Variants in GSN observed in about 807,000 individuals in gnomAD.
GSN encodes actin-depolymerizing factor.
In GSN, 56 loss-of-function variants were observed where a neutral mutation model predicts 85.7. That is an observed-to-expected ratio of 0.65 (90% CI 0.53 to 0.82). The LOEUF is 0.82. Among genes scored for constraint, GSN ranks in the 40% least tolerant of loss-of-function variants. GSN has a pLI of 0.00. For synonymous variants in GSN, 373 were observed against 399.1 expected (o/e 0.93, Z 0.78); for missense variants, 857 against 979.8 (o/e 0.87, Z 1.67).
chr9:121,329,481 T>C lies in GSN; in HGVS notation c.1965+166T>C, dbSNP rs2063647745. ...TCACTTCTTCTTTCTGAGCTTCCAT[T>C]TCCTCATCTGTAAACTGGGAGTGGC... On this transcript the variant is annotated intron_variant, in intron 16 of 17. Transcript: ENST00000432226. The surrounding 1 kb of genome is among the most constrained non-coding windows in gnomAD (Gnocchi z 4.6). Among the ~76,000 whole-genome samples the C allele has an allele frequency of 6.6e-6, 1 of 152,164 alleles. No individual in the cohort carries two copies. The highest frequency in any genetic ancestry group is 1.5e-5 in the Non-Finnish European group (1 of 68,030).
chr9:121,320,667 GAAAA>G (rs1290549491), intron 10 of GSN, among the ~76,000 whole-genome samples: 1 of 148,610 alleles, frequency 6.7e-6, no homozygotes, highest in Non-Finnish European at 1.5e-5. Context: ...AAAAAAAAAA[GAAAA>G]AAAGAAAGAA....
chr9:121,310,698 A>G lies in GSN; in HGVS notation c.366A>G (p.Ala122=). Residue 122 remains alanine (A), a synonymous_variant, in exon 5 of 18, where the codon GCA becomes GCG. Coordinates refer to ENST00000432226, the MANE Select transcript of GSN (RefSeq NM_198252.3). ...SGLKYKKGGV[A]SGFKHVVPNE... ...TGGCCCCACAGAAAGGAGGTGTGGC[A>G]TCAGGATTCAAGCACGTGGTACCCA... 1 of 1,614,180 alleles carries G rather than the reference A, an allele frequency of 6.2e-7. No homozygotes were observed. The highest frequency in any genetic ancestry group is 8.5e-7 in the Non-Finnish European group (1 of 1,180,032).
At chr9:121,314,084 G>C (rs2061461196) in intron 7 of GSN, 61 bp downstream of exon 7, 3 of 1,287,142 alleles carry the variant, frequency 2.3e-6, no homozygotes, top group Non-Finnish European at 2.3e-6. Flanking sequence ...TGGAAGACTT[G>C]GTCTTCCCCA....
At chr9:121,204,504 G>A (rs951477363), upstream of GSN, among the ~76,000 whole-genome samples, 1 of 152,188 alleles carries the variant, frequency 6.6e-6, no homozygotes, top group Non-Finnish European at 1.5e-5. Flanking sequence ...AAAACAGTAG[G>A]AATGGTCAAT....
intron 6 of GSN, among the ~76,000 whole-genome samples, chr9:121,254,562 C>T (rs2132254706): frequency 6.6e-6 from 1 of 152,294 alleles, no homozygotes; most frequent in South Asian, 2.1e-4. Flanking sequence ...AACCTTTCTT[C>T]TCCAGACCAG....
At chr9:121,303,895 T>C (rs368055919) in intron 4 of GSN, among the ~76,000 whole-genome samples, 131 of 152,270 alleles carry the variant, frequency 8.6e-4, no homozygotes, top group African/African-American at 3.1e-3. Flanking sequence ...AGAGTCCAAA[T>C]CTCATTTTAC....
At chr9:121,317,844 C>T (rs992729865) in intron 8 of GSN, 9 of 186,070 alleles carry the variant, frequency 4.8e-5, no homozygotes, top group South Asian at 3.3e-4. Context: ...GAAAGGGAGA[C>T]GGTGGGGAGA....
chr9:121,324,476 G>T, intron 11 of GSN, 78 bp from the exon 12 acceptor site: 1 of 751,002 alleles, frequency 1.3e-6, no homozygotes, highest in South Asian at 1.5e-5. Context: ...GAGATGTGTA[G>T]GTTTCTCAGA....
intron 2 of GSN, chr9:121,282,723 T>C: frequency 2.4e-6 from 1 of 412,318 alleles, no homozygotes; most frequent in Non-Finnish European, 4.4e-6. Context: ...GGGCCGGGTC[T>C]TGGCTCTGAT....
At chr9:121,307,180 C>G (rs80054607) in intron 4 of GSN, among the ~76,000 whole-genome samples, 2 of 141,072 alleles carry the variant, frequency 1.4e-5, no homozygotes, top group African/African-American at 2.6e-5. Context: ...GACTCTGTCT[C>G]AAAAAAAAAA....
intron 6 of GSN, chr9:121,313,542 A>C (rs1230661498): frequency 1.3e-5 from 4 of 309,952 alleles, no homozygotes; most frequent in Non-Finnish European, 2.5e-5. Flanking sequence ...TGGACCTCAG[A>C]TTCCTCTTCT....
intron 2 of GSN, chr9:121,284,761 C>T (rs2057858997): frequency 1.8e-5 from 3 of 167,134 alleles, no homozygotes; most frequent in Non-Finnish European, 4.4e-5. Flanking sequence ...GACAGGTCCT[C>T]AGCTGAGGAG....
intron 2 of GSN, among the ~76,000 whole-genome samples, chr9:121,298,371 T>A (rs2059415320): frequency 6.6e-6 from 1 of 152,230 alleles, no homozygotes; most frequent in Non-Finnish European, 1.5e-5. Flanking sequence ...TTATAATCTC[T>A]CCAGCCTGAA....
intron 1 of GSN, among the ~76,000 whole-genome samples, chr9:121,276,759 A>G (rs1187492778): frequency 6.6e-6 from 1 of 151,518 alleles, no homozygotes. Flanking sequence ...ACTAAGGAAG[A>G]TTAAGAAACC....
intron 4 of GSN, chr9:121,222,779 G>A (rs1379627938): frequency 6.6e-6 from 1 of 152,094 alleles, no homozygotes; most frequent in African/African-American, 2.4e-5. Flanking sequence ...TAGAGCAGGA[G>A]TAAAAGTTTA....
rs368574551 is a variant in GSN at position 121,208,736 on chromosome 9, T to G, written c.-807-560T>G. ...CTAGCTGAAAGGGATGCAGAGAAAT[T>G]TAGTCTTTGTTCTGGGGAGGATTAT... On this transcript the variant is annotated intron_variant, in intron 1 of 24. Transcript: ENST00000373823. Among the ~76,000 whole-genome samples, 4 of 152,316 alleles carry G rather than the reference T, an allele frequency of 2.6e-5. No individual in the cohort carries two copies. The South Asian group carries it at 6.2e-4, about 24-fold the overall frequency.
At position 121,318,894 on chromosome 9, in the gene GSN, G is replaced by A. The variant is rs377308627; in HGVS notation, c.1191+14G>A. On this transcript the variant is annotated intron_variant, in intron 10 of 17. Transcript: ENST00000432226. The surrounding 1 kb of genome is among the most constrained non-coding windows in gnomAD (Gnocchi z 4.3). ...GGCCAGAAACAGGTACGTTTAGGGC[G>A]TGGGGTGGGTGTGTCCAGGCCCCTC... 66 of 1,591,836 alleles carry A rather than the reference G, an allele frequency of 4.1e-5. 1 individual carries two copies. The highest frequency in any genetic ancestry group is 1.8e-4 in the South Asian group (16 of 90,668).
chr9:121,237,635 A>T (rs1036506616), intron 5 of GSN, among the ~76,000 whole-genome samples: 3 of 152,342 alleles, frequency 2.0e-5, no homozygotes, highest in Non-Finnish European at 2.9e-5. Flanking sequence ...CCACAGGCAC[A>T]TCAACAACCC....
chr9:121,212,401 G>T (rs1295443135), intron 4 of GSN, among the ~76,000 whole-genome samples: 1 of 152,098 alleles, frequency 6.6e-6, no homozygotes. Context: ...TTATAAATGT[G>T]TGTAAAATCC....
Sources: gnomAD v4.1 joint callset for allele counts (sites outside exome capture counted in the v4.1 genomes callset) on GRCh38, gnomAD v4.1.1 for gene constraint, Gnocchi (gnomAD v3.1) non-coding constraint, MANE v1.5 for transcripts, NCBI Gene and HGNC (gene_info 2026-07-23, HGNC 2026-07-21) for gene names.